Variants in ERCC8 observed in about 807,000 individuals in gnomAD.
The protein encoded by ERCC8 is DNA excision repair protein ERCC-8.
Under a neutral mutation model 54.9 loss-of-function variants are expected in ERCC8, and 52 were observed. The observed-to-expected ratio is 0.95, with a 90% CI of 0.76 to 1.19. The LOEUF (loss-of-function observed/expected upper bound fraction) is 1.19. Among genes scored for constraint, ERCC8 ranks in the 50% most tolerant of loss-of-function variants. The pLI, the probability that ERCC8 is intolerant of heterozygous loss-of-function variation, is 0.00. For synonymous variants in ERCC8, 146 were observed against 157.2 expected, an observed-to-expected ratio of 0.93 and a Z score of 0.53; for missense variants, 514 against 466.1, an observed-to-expected ratio of 1.10 and a Z score of -0.95.
At chr5:60,901,624 A>G (rs1007013581) in intron 7 of ERCC8, among the ~76,000 whole-genome samples, 17 of 151,954 alleles carry the variant, frequency 1.1e-4, no homozygotes, top group African/African-American at 3.9e-4. Context: ...ATTCATGTCC[A>G]CCTTTTCCTC....
intron 1 of ERCC8, among the ~76,000 whole-genome samples, chr5:60,943,059 C>T (rs977912365): frequency 1.3e-5 from 2 of 151,964 alleles, no homozygotes; most frequent in African/African-American, 2.4e-5. Context: ...TCACTTCAGC[C>T]CAGGAGTTCA....
At chr5:60,944,524 G>A (rs1245633217) in intron 1 of ERCC8, among the ~76,000 whole-genome samples, 1 of 152,116 alleles carries the variant, frequency 6.6e-6, no homozygotes, top group East Asian at 1.9e-4. Flanking sequence ...CCTGGCCTGT[G>A]TCCTCTGCCT....
chr5:60,883,117 C>T (rs1412005688), intron 11 of ERCC8, among the ~76,000 whole-genome samples: 1 of 151,778 alleles, frequency 6.6e-6, no homozygotes, highest in Admixed American at 6.6e-5. Context: ...AACAGAAAAG[C>T]AAAATTATAC....
At chr5:60,922,176 ATTAAT>A (rs1284172113) in intron 2 of ERCC8, 21 bp from the exon 3 acceptor site, 7 of 1,463,838 alleles carry the variant, frequency 4.8e-6, no homozygotes, top group Middle Eastern at 2.0e-4. Context: ...AAAAGTTCAC[ATTAAT>A]TTATCATTTT....
intron 2 of ERCC8, among the ~76,000 whole-genome samples, chr5:60,922,443 A>G (rs1454375991): frequency 6.6e-6 from 1 of 152,050 alleles, no homozygotes; most frequent in Non-Finnish European, 1.5e-5. Flanking sequence ...AGATTTCTTA[A>G]GAAAGTAAAA....
rs184379445 is a variant in ERCC8, at chr5:60,867,324, G to A, written c.*7291C>T. On this transcript the variant is annotated 3_prime_UTR_variant, in exon 12 of 12. Coordinates refer to ENST00000676185, the MANE Select transcript of ERCC8 (RefSeq NM_000082.4). ...GGGTGGAGTGCAGTGGGGCGATCTCGGCTCACTGCAACCTCCGCCTTCAGG... is the reference window on the plus strand; with the variant it reads ...GGGTGGAGTGCAGTGGGGCGATCTCAGCTCACTGCAACCTCCGCCTTCAGG... Among the ~76,000 whole-genome samples, 2 of 151,794 alleles carry A rather than the reference G, an allele frequency of 1.3e-5. No homozygotes were observed. Among genetic ancestry groups the A allele is most frequent in the East Asian group, 1.9e-4 (1 of 5,142 alleles).
chr5:60,896,262 G>A (rs1748721622), intron 9 of ERCC8, among the ~76,000 whole-genome samples: 1 of 152,126 alleles, frequency 6.6e-6, no homozygotes, highest in Non-Finnish European at 1.5e-5. Flanking sequence ...TGTTGCCCAG[G>A]CTGGAGTGCA....
At chr5:60,887,719 G>A (rs956113824) in intron 10 of ERCC8, among the ~76,000 whole-genome samples, 199 bp from the exon 11 acceptor site, 10 of 151,980 alleles carry the variant, frequency 6.6e-5, no homozygotes, top group Non-Finnish European at 1.2e-4. Context: ...AATAGTATTA[G>A]GATTTGTCAG....
At chr5:60,914,789 T>TAAA (rs55638584) in intron 4 of ERCC8, among the ~76,000 whole-genome samples, 1 of 121,336 alleles carries the variant, frequency 8.2e-6, no homozygotes, top group Non-Finnish European at 1.7e-5. Context: ...TCTTGTCTCT[T>TAAA]AAAAAAAAAA....
At chr5:60,905,787 G>A (rs1749053433) in intron 4 of ERCC8, among the ~76,000 whole-genome samples, 2 of 152,220 alleles carry the variant, frequency 1.3e-5, no homozygotes, top group South Asian at 2.1e-4. Flanking sequence ...GGCCAAGTGC[G>A]AGATGGGATT....
chr5:60,870,482 TAAAAAAAAAAAAAAAAA>T lies in ERCC8; in HGVS notation c.*4116_*4132del, dbSNP rs57423118. Among the ~76,000 whole-genome samples, 1 of 48,806 alleles carries T rather than the reference TAAAAAAAAAAAAAAAAA, an allele frequency of 2.0e-5. No individual in the cohort carries two copies. The highest frequency in any genetic ancestry group is 3.4e-5 in the Non-Finnish European group (1 of 29,344). The allele number at this position is 48,806 out of a possible 152,430, so 32.0% of individuals were successfully genotyped here. ...CAACATGGTGAAACCCCACCTCTGC[TAAAAAAAAAAAAAAAAA>T]AAAAAAAAAAAAATTAGCCAGGCGT... On this transcript the variant is annotated 3_prime_UTR_variant, in exon 12 of 12. Coordinates refer to ENST00000676185, the MANE Select transcript of ERCC8 (RefSeq NM_000082.4).
In ERCC8 at chr5:60,938,070, TATATATATATATATA is replaced by T. The variant is rs1561519004; in HGVS notation, c.77+6847_77+6861del. Among the ~76,000 whole-genome samples the T allele has an allele frequency of 1.5e-3, 54 of 35,084 alleles. 1 individual carries two copies. The highest frequency in any genetic ancestry group is 3.5e-3 in the African/African-American group (49 of 13,952). 23.0% of individuals were successfully genotyped at this position (35,084 alleles called of 152,430 possible). ...ATACATATATATATATATATATATA[TATATATATATATATA>T]TTTTATTTTTTTTTTTTTTAGGTTA... On this transcript the variant is annotated intron_variant, in intron 1 of 11. Coordinates refer to ENST00000676185, the MANE Select transcript of ERCC8 (RefSeq NM_000082.4).
intron 11 of ERCC8, among the ~76,000 whole-genome samples, chr5:60,881,873 C>T (rs1397936287): frequency 3.3e-5 from 5 of 152,156 alleles, no homozygotes; most frequent in Non-Finnish European, 7.3e-5. Flanking sequence ...TGTCCTGCAC[C>T]CACTGTCCGA....
chr5:60,874,902 C>T (rs1200309340), intron 11 of ERCC8, among the ~76,000 whole-genome samples: 1 of 152,070 alleles, frequency 6.6e-6, no homozygotes, highest in African/African-American at 2.4e-5. Flanking sequence ...AGACTTTATC[C>T]AAACACCCTG....
chr5:60,937,086 T>C lies in ERCC8; in HGVS notation c.77+7846A>G, dbSNP rs577197597. 1.4e-4 allele frequency among the ~76,000 whole-genome samples: 21 copies of C among 152,342 alleles called. No homozygotes were observed. In the East Asian group the frequency reaches 3.9e-3, roughly 28 times the overall value. On this transcript the variant is annotated intron_variant, in intron 1 of 11. Transcript: ENST00000676185. ...AACCAGCAGAGCTACTGGGGTCTGG[T>C]TGGTACAGGGCAGTTTCTGCAAAGA...
At chr5:60,920,825 T>C (rs899242314) in intron 3 of ERCC8, among the ~76,000 whole-genome samples, 5 of 151,926 alleles carry the variant, frequency 3.3e-5, no homozygotes, top group African/African-American at 1.2e-4. Flanking sequence ...ATGTAGCACG[T>C]AGAATAGGTG....
intron 9 of ERCC8, chr5:60,893,332 C>A: frequency 1.2e-6 from 1 of 855,004 alleles, no homozygotes; most frequent in East Asian, 2.4e-5. Context: ...TTAGGATATC[C>A]TCACAGTAGC....
chr5:60,870,482 T>TAAAAAAAAAAAAAA lies in ERCC8; in HGVS notation c.*4119_*4132dup, dbSNP rs57423118. 2.0e-5 allele frequency among the ~76,000 whole-genome samples: 1 copy of TAAAAAAAAAAAAAA among 48,806 alleles called. No individual in the cohort carries two copies. The allele number at this position is 48,806 out of a possible 152,430, so 32.0% of individuals were successfully genotyped here. A position where few individuals can be genotyped will look rare whatever the true frequency, so the allele number is the denominator to read the frequency against. On this transcript the variant is annotated 3_prime_UTR_variant, in exon 12 of 12. Transcript: ENST00000676185. Reference sequence around the variant, plus strand: ...CAACATGGTGAAACCCCACCTCTGCTAAAAAAAAAAAAAAAAAAAAAAAAA... The same window carrying TAAAAAAAAAAAAAA: ...CAACATGGTGAAACCCCACCTCTGCTAAAAAAAAAAAAAAAAAAAAAAAAAAAAAAAAAAAAAAA...
chr5:60,940,063 T>C (rs1158803969), intron 1 of ERCC8, among the ~76,000 whole-genome samples: 1 of 152,240 alleles, frequency 6.6e-6, no homozygotes, highest in Non-Finnish European at 1.5e-5. Context: ...TATTATTGTC[T>C]GCTAGATCTT....
Sources: gnomAD v4.1 joint callset for allele counts (sites outside exome capture counted in the v4.1 genomes callset) on GRCh38, gnomAD v4.1.1 for gene constraint, MANE v1.5 for transcripts, NCBI Gene and HGNC (gene_info 2026-07-23, HGNC 2026-07-21) for gene names.